EVA1A: variants seen among roughly 807,000 people sequenced by gnomAD.
EVA1A encodes eva-1 homolog A, regulator of programmed cell death, also known as protein eva-1 homolog A.
EVA1A carries 7 observed loss-of-function variants against 9.8 expected under a neutral mutation model. That is an observed-to-expected ratio of 0.71 (90% CI 0.41 to 1.34). The LOEUF is 1.34. Among genes scored for constraint, EVA1A ranks in the 40% most tolerant of loss-of-function variants. The pLI, the probability that EVA1A is intolerant of heterozygous loss-of-function variation, is 0.01. For missense variants in EVA1A, 206 were observed against 205.9 expected (o/e 1.00, Z 0.00); for synonymous variants, 90 against 85.6 (o/e 1.05, Z -0.28).
chr2:75,537,559 G>A (rs755921061), intron 1 of EVA1A, among the ~76,000 whole-genome samples: 19 of 152,174 alleles, frequency 1.2e-4, no homozygotes, highest in Non-Finnish European at 2.5e-4. Flanking sequence ...TGTCAATAGA[G>A]ATCCCAAGGA....
chr2:75,506,695 G>T (rs1020215912), intron 3 of EVA1A, among the ~76,000 whole-genome samples: 12 of 152,182 alleles, frequency 7.9e-5, no homozygotes, highest in Non-Finnish European at 1.8e-4. Context: ...AGATTTGGAA[G>T]AAACAAATTT....
At chr2:75,526,467 C>A (rs57916890) in intron 1 of EVA1A, among the ~76,000 whole-genome samples, 8,134 of 152,224 alleles carry the variant, frequency 0.053, 668 homozygotes, top group African/African-American at 0.18. Context: ...AGTTTCATAA[C>A]AGTCCCATGA....
At position 75,493,385 on chromosome 2, in the gene EVA1A, C is replaced by A. The variant is rs201714382; in HGVS notation, c.310G>T (p.Glu104Ter). The A allele has an allele frequency of 5.0e-6, 8 of 1,614,102 alleles. No homozygotes were observed. The highest frequency in any genetic ancestry group is 2.7e-5 in the African/African-American group (2 of 74,948). ...DLSVRRHRRF[E>*]RTLNKNVFTS... ...AACACATTCTTGTTCAAAGTCCTCTCGAAGCGGCGGTGTCTCCGCACGGAG... is the reference window on the plus strand; with the variant it reads ...AACACATTCTTGTTCAAAGTCCTCTAGAAGCGGCGGTGTCTCCGCACGGAG... Residue 104 changes from glutamate to a stop codon, truncating the protein, a stop_gained, in exon 4 of 4, where the codon GAG becomes TAG. Coordinates refer to ENST00000393913, the MANE Select transcript of EVA1A (RefSeq NM_001135032.2). LOFTEE classifies it high-confidence loss of function.
rs10552575 is a variant in EVA1A, at chr2:75,549,008, A to AT, written c.-192+11671dup. On this transcript the variant is annotated intron_variant, in intron 1 of 3. Coordinates refer to ENST00000393913, the MANE Select transcript of EVA1A (RefSeq NM_001135032.2). Reference sequence around the variant, plus strand: ...AATATATATATATATATATATATATATTTTTTTTTTTTTTACTAATAAATC... The same window carrying AT: ...AATATATATATATATATATATATATATTTTTTTTTTTTTTTACTAATAAATC... Among the ~76,000 whole-genome samples, 191 of 85,384 alleles carry AT rather than the reference A, an allele frequency of 2.2e-3. 1 individual carries two copies. Among genetic ancestry groups the AT allele is most frequent in the Middle Eastern group, 6.0e-3 (1 of 168 alleles). 56.0% of individuals were successfully genotyped at this position (85,384 alleles called of 152,430 possible). A position where few individuals can be genotyped will look rare whatever the true frequency, so the allele number is the denominator to read the frequency against.
At position 75,545,400 on chromosome 2, in the gene EVA1A, AT is replaced by A. The variant is rs548326334; in HGVS notation, c.-192+15279del. Among the ~76,000 whole-genome samples the A allele has an allele frequency of 2.5e-4, 38 of 152,306 alleles. 1 individual carries two copies. In the South Asian group the frequency reaches 7.3e-3, roughly 29 times the overall value. ...TGGGACTGGAGAAACAGAGAAGGCCATAGAGGAAGTTTTGCTTTCCCGATGA... is the reference window on the plus strand; with the variant it reads ...TGGGACTGGAGAAACAGAGAAGGCCAAGAGGAAGTTTTGCTTTCCCGATGA... On this transcript the variant is annotated intron_variant, in intron 1 of 3. Coordinates refer to ENST00000393913, the MANE Select transcript of EVA1A (RefSeq NM_001135032.2).
At chr2:75,495,325 A>T (rs1674172122) in intron 3 of EVA1A, among the ~76,000 whole-genome samples, 1 of 152,154 alleles carries the variant, frequency 6.6e-6, no homozygotes. Context: ...GGAGAGAGGG[A>T]GTCATGGGGC....
chr2:75,548,178 G>T (rs1188620160), intron 1 of EVA1A, among the ~76,000 whole-genome samples: 1 of 152,172 alleles, frequency 6.6e-6, no homozygotes, highest in Non-Finnish European at 1.5e-5. Flanking sequence ...TGTCACTCAG[G>T]CTATAATGCA....
At chr2:75,498,673 A>G (rs1412935996) in intron 3 of EVA1A, among the ~76,000 whole-genome samples, 1 of 152,184 alleles carries the variant, frequency 6.6e-6, no homozygotes, top group Non-Finnish European at 1.5e-5. Flanking sequence ...AATTAGCTTA[A>G]TGTCTCACCA....
chr2:75,531,308 T>C (rs989386846), intron 1 of EVA1A, among the ~76,000 whole-genome samples: 3 of 152,208 alleles, frequency 2.0e-5, no homozygotes, highest in Admixed American at 1.3e-4. Flanking sequence ...CTGGTGGGAA[T>C]GTAAACCAGT....
intron 1 of EVA1A, among the ~76,000 whole-genome samples, chr2:75,542,900 T>C (rs1347638026): frequency 1.3e-5 from 2 of 152,114 alleles, no homozygotes; most frequent in Non-Finnish European, 2.9e-5. Flanking sequence ...TTAAAAGTGC[T>C]TGGGAGTCAT....
intron 3 of EVA1A, among the ~76,000 whole-genome samples, chr2:75,496,009 A>T (rs1405139756): frequency 6.6e-6 from 1 of 152,190 alleles, no homozygotes. Context: ...ATCCAGTTTC[A>T]AAGCCTATTC....
intron 1 of EVA1A, among the ~76,000 whole-genome samples, chr2:75,548,492 C>A (rs1003940443): frequency 1.4e-4 from 21 of 152,268 alleles, no homozygotes; most frequent in Middle Eastern, 6.8e-3. Flanking sequence ...AAGAGTCCCC[C>A]CAAACACCAC....
chr2:75,540,543 A>G (rs1031397081), intron 1 of EVA1A, among the ~76,000 whole-genome samples: 5 of 152,222 alleles, frequency 3.3e-5, no homozygotes, highest in Admixed American at 1.3e-4. Context: ...TTAATCTCGG[A>G]AAAAGCCACA....
chr2:75,528,863 C>T (rs948336612), intron 1 of EVA1A, among the ~76,000 whole-genome samples: 1 of 152,336 alleles, frequency 6.6e-6, no homozygotes, highest in East Asian at 1.9e-4. Context: ...CAAGCCATTA[C>T]AGTAACTCAT....
At chr2:75,553,200 C>A (rs1208062787) in intron 1 of EVA1A, among the ~76,000 whole-genome samples, 1 of 152,196 alleles carries the variant, frequency 6.6e-6, no homozygotes, top group Non-Finnish European at 1.5e-5. Context: ...TCCATCTCAG[C>A]CTCTTTGATG....
chr2:75,520,574 G>T (rs1027954820), intron 2 of EVA1A, among the ~76,000 whole-genome samples: 1 of 152,028 alleles, frequency 6.6e-6, no homozygotes, highest in Non-Finnish European at 1.5e-5. Context: ...TTTTGCAAGG[G>T]TGCCAAGACC....
chr2:75,528,504 C>G (rs1005301909), intron 1 of EVA1A, among the ~76,000 whole-genome samples: 14 of 152,114 alleles, frequency 9.2e-5, no homozygotes, highest in Admixed American at 4.6e-4. Flanking sequence ...CCGGCTTTCC[C>G]CGACTTCCCT....
intron 2 of EVA1A, chr2:75,518,550 A>G (rs1675100602): frequency 1.0e-6 from 1 of 967,310 alleles, no homozygotes; most frequent in African/African-American, 1.8e-5. Flanking sequence ...CTTTCAAGGA[A>G]GTAGAAACTC....
chr2:75,556,908 G>T (rs572579667), intron 1 of EVA1A, among the ~76,000 whole-genome samples: 1 of 152,262 alleles, frequency 6.6e-6, no homozygotes, highest in South Asian at 2.1e-4. Flanking sequence ...TTCCTAACAG[G>T]CCAGGGACCA....
Sources: gnomAD v4.1 joint callset for allele counts (sites outside exome capture counted in the v4.1 genomes callset) on GRCh38, gnomAD v4.1.1 for gene constraint, MANE v1.5 for transcripts, NCBI Gene and HGNC (gene_info 2026-07-23, HGNC 2026-07-21) for gene names.